Variants in CDH18 observed in about 807,000 individuals in gnomAD.
CDH18 encodes cadherin-18.
Under a neutral mutation model 67.9 loss-of-function variants are expected in CDH18, and 31 were observed. That is an observed-to-expected ratio of 0.46 (90% CI 0.34 to 0.62). CDH18 has a LOEUF of 0.62. Ranked by LOEUF, CDH18 falls within the 20% of genes least tolerant of loss-of-function variation. The probability of loss-of-function intolerance (pLI) is 0.01; values close to 1 mark genes in which losing one functional copy is unlikely to be tolerated. For missense variants in CDH18, 890 were observed against 975.5 expected, an observed-to-expected ratio of 0.91 and a Z score of 1.17; for synonymous variants, 362 against 347.2, an observed-to-expected ratio of 1.04 and a Z score of -0.48.
intron 2 of CDH18, among the ~76,000 whole-genome samples, chr5:19,852,954 T>C (rs1240519475): frequency 6.6e-6 from 1 of 152,016 alleles, no homozygotes; most frequent in Non-Finnish European, 1.5e-5. Flanking sequence ...TACATCAGCA[T>C]TACTTCCATA....
intron 2 of CDH18, among the ~76,000 whole-genome samples, chr5:20,104,461 T>C (rs886192077): frequency 6.6e-6 from 1 of 152,208 alleles, no homozygotes; most frequent in African/African-American, 2.4e-5. Flanking sequence ...GTATATCGAA[T>C]GGTTGTTCTG....
At chr5:19,839,438 A>C (rs1398744886) in intron 2 of CDH18, among the ~76,000 whole-genome samples, 196 bp from the exon 3 acceptor site, 1 of 152,204 alleles carries the variant, frequency 6.6e-6, no homozygotes, top group Non-Finnish European at 1.5e-5. Context: ...CTGTACCATT[A>C]ATTCTCAATG....
At chr5:20,152,960 T>TTTTTTTTTA (rs1751238758) in intron 2 of CDH18, among the ~76,000 whole-genome samples, 3 of 149,998 alleles carry the variant, frequency 2.0e-5, no homozygotes, top group Admixed American at 6.7e-5. Flanking sequence ...TTTTTTTTTT[T>TTTTTTTTTA]GAGACGGAGT....
intron 11 of CDH18, among the ~76,000 whole-genome samples, chr5:19,496,704 CG>C (rs1466727033): frequency 6.8e-6 from 1 of 147,416 alleles, no homozygotes; most frequent in Admixed American, 7.0e-5. Flanking sequence ...CCCAGATACT[CG>C]GGAGGCTGAG....
At chr5:20,295,408 C>G (rs563751126) in intron 1 of CDH18, among the ~76,000 whole-genome samples, 42 of 152,238 alleles carry the variant, frequency 2.8e-4, no homozygotes, top group African/African-American at 1.0e-3. Flanking sequence ...TTATCAAACA[C>G]TTTTCCAGAT....
chr5:19,875,427 G>C (rs113539240), intron 2 of CDH18, among the ~76,000 whole-genome samples: 3 of 149,528 alleles, frequency 2.0e-5, no homozygotes, highest in East Asian at 1.9e-4. Flanking sequence ...TAGATAGATA[G>C]ATAGATAGAT....
chr5:20,051,789 G>A (rs898174037), intron 2 of CDH18, among the ~76,000 whole-genome samples: 6 of 152,142 alleles, frequency 3.9e-5, no homozygotes, highest in African/African-American at 9.6e-5. Context: ...AGATTCAGGA[G>A]TAATAAAAAT....
intron 2 of CDH18, among the ~76,000 whole-genome samples, chr5:19,870,954 T>C (rs1786200229): frequency 6.6e-6 from 1 of 152,172 alleles, no homozygotes; most frequent in Non-Finnish European, 1.5e-5. Flanking sequence ...ATTATTATTA[T>C]CATCATCTTT....
At chr5:19,886,291 C>G (rs1007206873) in intron 2 of CDH18, 2 of 152,086 alleles carry the variant, frequency 1.3e-5, no homozygotes, top group East Asian at 3.9e-4. Flanking sequence ...GCACCCAGTA[C>G]CTGATTTAGC....
intron 2 of CDH18, among the ~76,000 whole-genome samples, chr5:19,942,361 C>T (rs1229710419): frequency 2.0e-5 from 3 of 152,194 alleles, no homozygotes; most frequent in Non-Finnish European, 2.9e-5. Context: ...GTACAATCTA[C>T]TTCAGCTGTG....
chr5:20,133,414 T>C (rs2126485464), intron 2 of CDH18, among the ~76,000 whole-genome samples: 1 of 152,136 alleles, frequency 6.6e-6, no homozygotes, highest in South Asian at 2.1e-4. Context: ...GAGAACACCA[T>C]GGGAAAAAAC....
At chr5:20,032,590 C>A (rs1440927786) in intron 2 of CDH18, among the ~76,000 whole-genome samples, 1 of 151,860 alleles carries the variant, frequency 6.6e-6, no homozygotes, top group African/African-American at 2.4e-5. Flanking sequence ...ATGTGCCAGG[C>A]TTAGTAGTAG....
chr5:19,763,580 G>A (rs1034746643), intron 3 of CDH18, among the ~76,000 whole-genome samples: 1 of 152,166 alleles, frequency 6.6e-6, no homozygotes, highest in African/African-American at 2.4e-5. Context: ...CAGATATATA[G>A]AGAAGTCATT....
chr5:20,125,879 C>A lies in CDH18; in HGVS notation c.-518+129565G>T, dbSNP rs1176821838. Among the ~76,000 whole-genome samples, 3 of 152,226 alleles carry A rather than the reference C, an allele frequency of 2.0e-5. No homozygotes were observed. The South Asian group carries it at 6.2e-4, about 32-fold the overall frequency. ...GACTCTCTCCCTACACTTGCTCAACCACTGTGCCCCAAAGCCATCTACCAA... is the reference window on the plus strand; with the variant it reads ...GACTCTCTCCCTACACTTGCTCAACAACTGTGCCCCAAAGCCATCTACCAA... On this transcript the variant is annotated intron_variant, in intron 2 of 14. Coordinates refer to the CDH18 transcript ENST00000507958.
At chr5:19,768,194 T>C (rs750118072) in intron 3 of CDH18, among the ~76,000 whole-genome samples, 2 of 152,148 alleles carry the variant, frequency 1.3e-5, no homozygotes, top group African/African-American at 2.4e-5. Context: ...AGAATTTACC[T>C]AATGCAAATA....
chr5:20,000,327 T>C (rs1211997749), intron 2 of CDH18, among the ~76,000 whole-genome samples: 1 of 152,112 alleles, frequency 6.6e-6, no homozygotes, highest in Non-Finnish European at 1.5e-5. Flanking sequence ...ACCAAAAAGA[T>C]ATAATGAATG....
At chr5:19,929,526 G>A (rs566808898) in intron 2 of CDH18, among the ~76,000 whole-genome samples, 11 of 152,118 alleles carry the variant, frequency 7.2e-5, no homozygotes, top group Admixed American at 6.6e-4. Context: ...GAGGCATTAC[G>A]GACACCTTCA....
At chr5:19,713,109 T>A (rs1764920860) in intron 5 of CDH18, among the ~76,000 whole-genome samples, 3 of 151,964 alleles carry the variant, frequency 2.0e-5, no homozygotes, top group Admixed American at 2.0e-4. Flanking sequence ...CCCAGTATTT[T>A]TTTTTTCTCA....
At chr5:20,512,351 A>G (rs1005631662) in intron 1 of CDH18, among the ~76,000 whole-genome samples, 54 of 152,012 alleles carry the variant, frequency 3.6e-4, no homozygotes, top group Admixed American at 6.6e-5. Flanking sequence ...TTGTTGCCTT[A>G]TGTTTGTTCA....
Sources: gnomAD v4.1 joint callset for allele counts (sites outside exome capture counted in the v4.1 genomes callset) on GRCh38, gnomAD v4.1.1 for gene constraint, MANE v1.5 for transcripts, NCBI Gene and HGNC (gene_info 2026-07-23, HGNC 2026-07-21) for gene names.